PGBD2: variants seen among roughly 807,000 people sequenced by gnomAD.
The protein encoded by PGBD2 is piggyBac transposable element-derived protein 2.
Under a neutral mutation model 8.1 loss-of-function variants are expected in PGBD2, and 6 were observed. That is an observed-to-expected ratio of 0.74 (90% CI 0.40 to 1.46). The LOEUF is 1.46. PGBD2 is among the 40% of genes most tolerant of loss of function. The pLI, the probability that PGBD2 is intolerant of heterozygous loss-of-function variation, is 0.02. For synonymous variants in PGBD2, 318 were observed against 272.2 expected (o/e 1.17, Z -1.66); for missense variants, 802 against 739.0 (o/e 1.09, Z -0.99).
the PGBD2 span, among the ~76,000 whole-genome samples, chr1:248,881,707 A>T: frequency 6.6e-6 from 1 of 152,198 alleles, no homozygotes; most frequent in African/African-American, 2.4e-5. Flanking sequence ...GCCATACTGA[A>T]CTATTAAAGT....
Position 248,917,657 on chromosome 1 carries a change from A to C in PGBD2, c.1073A>C (p.Lys358Thr). ...IFFDKVFTSV[K>T]LMSILRKKGV... ...TTTGACAAGGTTTTCACAAGTGTTA[A>C]ACTGATGTCCATTTTGAGGAAAAAG... Residue 358 changes from lysine (K) to threonine (T), a missense_variant, in exon 3 of 3, where the codon AAA becomes ACA. Lys to Thr is a moderately conservative substitution (Grantham distance 78, BLOSUM62 -1). Transcript: ENST00000329291. The C allele has an allele frequency of 6.2e-7, 1 of 1,614,198 alleles. No homozygotes were observed. Among genetic ancestry groups the C allele is most frequent in the Admixed American group, 1.7e-5 (1 of 60,026 alleles).
the PGBD2 span, among the ~76,000 whole-genome samples, chr1:248,887,088 T>C: frequency 2.0e-5 from 3 of 152,096 alleles, no homozygotes; most frequent in Non-Finnish European, 4.4e-5. Flanking sequence ...GAAAATATTT[T>C]AGACTTATAG....
chr1:248,924,129 G>C (rs564826097), downstream of PGBD2, among the ~76,000 whole-genome samples: 11 of 152,360 alleles, frequency 7.2e-5, no homozygotes, highest in Admixed American at 4.6e-4. Context: ...TGGGAGCAGT[G>C]TGAGCCATCT....
chr1:248,903,958 A>G (rs1661577200), upstream of PGBD2, among the ~76,000 whole-genome samples: 1 of 152,216 alleles, frequency 6.6e-6, no homozygotes, highest in Non-Finnish European at 1.5e-5. Flanking sequence ...GAATTTTTAT[A>G]TGTAAAGTCT....
the PGBD2 span, among the ~76,000 whole-genome samples, chr1:248,877,666 G>A: frequency 6.6e-6 from 1 of 152,102 alleles, no homozygotes; most frequent in Non-Finnish European, 1.5e-5. Context: ...AAATTAACTT[G>A]GAAATAGTTC....
chr1:248,926,757 A>C, the PGBD2 span, among the ~76,000 whole-genome samples: 1 of 152,220 alleles, frequency 6.6e-6, no homozygotes, highest in African/African-American at 2.4e-5. Flanking sequence ...GGAATACTGA[A>C]CACTGAAATG....
the PGBD2 span, among the ~76,000 whole-genome samples, chr1:248,892,300 C>T: frequency 7.9e-6 from 1 of 126,108 alleles, no homozygotes; most frequent in African/African-American, 2.9e-5. Context: ...CCTTCCTTCC[C>T]TTCCTTCCTT....
the PGBD2 span, among the ~76,000 whole-genome samples, chr1:248,874,415 C>T: frequency 4.4e-4 from 67 of 152,262 alleles, no homozygotes; most frequent in African/African-American, 1.6e-3. Context: ...GCAAAACGCA[C>T]CTGGTGTCCT....
chr1:248,886,500 G>A, the PGBD2 span, among the ~76,000 whole-genome samples: 1 of 152,198 alleles, frequency 6.6e-6, no homozygotes. Context: ...ATACCACTGA[G>A]ATATTGAACA....
At chr1:248,886,872 C>T in the PGBD2 span, among the ~76,000 whole-genome samples, 1 of 152,148 alleles carries the variant, frequency 6.6e-6, no homozygotes, top group Non-Finnish European at 1.5e-5. Context: ...AACAGCAAAC[C>T]TGTAGTGAAA....
downstream of PGBD2, among the ~76,000 whole-genome samples, chr1:248,921,768 C>A (rs1283855147): frequency 6.6e-6 from 1 of 152,200 alleles, no homozygotes; most frequent in Non-Finnish European, 1.5e-5. Context: ...TATCCATGAG[C>A]ATGGAATGTT....
chr1:248,883,870 T>C, the PGBD2 span, among the ~76,000 whole-genome samples: 2 of 152,270 alleles, frequency 1.3e-5, no homozygotes, highest in African/African-American at 4.8e-5. Flanking sequence ...GTGCTGGGAT[T>C]ACAGGCATGA....
At chr1:248,879,016 C>T in the PGBD2 span, among the ~76,000 whole-genome samples, 1 of 152,148 alleles carries the variant, frequency 6.6e-6, no homozygotes, top group African/African-American at 2.4e-5. Context: ...TTTTACATTG[C>T]TCACAATTAG....
At chr1:248,874,362 T>C in the PGBD2 span, among the ~76,000 whole-genome samples, 3 of 151,998 alleles carry the variant, frequency 2.0e-5, no homozygotes, top group Non-Finnish European at 4.4e-5. Flanking sequence ...TAACCATAGG[T>C]GATGTTCCCA....
At chr1:248,885,492 A>G in the PGBD2 span, among the ~76,000 whole-genome samples, 2 of 152,214 alleles carry the variant, frequency 1.3e-5, no homozygotes, top group East Asian at 3.9e-4. Context: ...GAAAATTAAT[A>G]TAGTACCCAA....
the PGBD2 span, among the ~76,000 whole-genome samples, chr1:248,889,351 C>T: frequency 2.6e-5 from 4 of 152,166 alleles, no homozygotes; most frequent in African/African-American, 9.7e-5. Context: ...TGCCACTGCA[C>T]TCCAGCCTGG....
chr1:248,909,885 A>T (rs532042329), intron 1 of PGBD2, among the ~76,000 whole-genome samples: 71 of 152,300 alleles, frequency 4.7e-4, no homozygotes, highest in Non-Finnish European at 8.7e-4. Flanking sequence ...CTGGGTCGGG[A>T]TGAGGCTGGG....
chr1:248,906,913 G>T (rs1661663664), intron 1 of PGBD2, among the ~76,000 whole-genome samples: 1 of 152,150 alleles, frequency 6.6e-6, no homozygotes, highest in Admixed American at 6.5e-5. Context: ...TGAGCTGTTG[G>T]GTGAAGGGGT....
chr1:248,917,578 A>T lies in PGBD2; in HGVS notation c.994A>T (p.Ile332Leu). ...CTTGGATCTAGGAGGCAGTATGGTA[A>T]TAAAATTTGTGGATGCGCTTCAGGA... is the stretch of plus-strand genomic sequence containing the variant. The part of the protein sequence containing the change: ...RSLDLGGSMV[I>L]KFVDALQERG... Residue 332 changes from isoleucine (I) to leucine (L), a missense_variant, in exon 3 of 3, where the codon ATA becomes TTA. Transcript: ENST00000329291. The T allele has an allele frequency of 6.2e-7, 1 of 1,614,230 alleles. No individual in the cohort carries two copies. The highest frequency in any genetic ancestry group is 2.2e-5 in the East Asian group (1 of 44,886).
Sources: gnomAD v4.1 joint callset for allele counts (sites outside exome capture counted in the v4.1 genomes callset) on GRCh38, gnomAD v4.1.1 for gene constraint, MANE v1.5 for transcripts, NCBI Gene and HGNC (gene_info 2026-07-23, HGNC 2026-07-21) for gene names.